Variants in RAB21 observed in about 807,000 individuals in gnomAD.
RAB21 encodes RAB21, member RAS oncogene family, also known as ras-related protein Rab-21.
In RAB21, 13 loss-of-function variants were observed where a neutral mutation model predicts 33.1. The observed-to-expected ratio is 0.39, with a 90% CI of 0.26 to 0.62. The LOEUF is 0.62. Among genes scored for constraint, RAB21 ranks in the 20% least tolerant of loss-of-function variants. RAB21 has a pLI of 0.48. For missense variants in RAB21, 234 were observed against 279.1 expected (o/e 0.84, Z 1.15); for synonymous variants, 91 against 103.7 (o/e 0.88, Z 0.74).
In RAB21 at chr12:71,799,846, G is replaced by A. The variant is rs927725946; in HGVS notation, c.*14173G>A. ...CCAGCATTTTGGGAGGCCAAGATGG[G>A]CGGATCATATGAGGTCAGGAGTTCA... On this transcript the variant is annotated 3_prime_UTR_variant, in exon 7 of 7. Coordinates refer to ENST00000261263, the MANE Select transcript of RAB21 (RefSeq NM_014999.4). 2 of 152,200 alleles carry A rather than the reference G, an allele frequency of 1.3e-5. No individual in the cohort carries two copies. The highest frequency in any genetic ancestry group is 4.8e-5 in the African/African-American group (2 of 41,420). The allele number at this position is 152,200 out of a possible 1,614,324, so 9.4% of individuals were successfully genotyped here.
intron 1 of RAB21, among the ~76,000 whole-genome samples, chr12:71,767,855 T>C (rs375265519): frequency 2.8e-4 from 43 of 152,288 alleles, no homozygotes; most frequent in African/African-American, 1.0e-3. Flanking sequence ...AATATTCGGA[T>C]AGGATTCAGA....
intron 4 of RAB21, 124 bp from the exon 5 acceptor site, chr12:71,781,907 G>A (rs1883206624): frequency 1.5e-6 from 1 of 678,452 alleles, no homozygotes; most frequent in African/African-American, 1.8e-5. Context: ...GACATTAGAA[G>A]TCTGGTGGGG....
rs1883381879 is a variant in RAB21, at chr12:71,791,461, C to A, written c.*5788C>A. ...ATCTAGGAGTTAACTTTAGCAGATT[C>A]TTTTATCAGAATACGTTTTTTATTG... On this transcript the variant is annotated 3_prime_UTR_variant, in exon 7 of 7. Transcript: ENST00000261263. 6.6e-6 allele frequency: 1 copy of A among 152,076 alleles called. No individual in the cohort carries two copies. Among genetic ancestry groups the A allele is most frequent in the Non-Finnish European group, 1.5e-5 (1 of 68,010 alleles). 9.4% of individuals were successfully genotyped at this position (152,076 alleles called of 1,614,324 possible).
intron 1 of RAB21, among the ~76,000 whole-genome samples, chr12:71,762,646 G>A (rs534012820): frequency 2.6e-5 from 4 of 151,562 alleles, no homozygotes; most frequent in Admixed American, 6.6e-5. Context: ...GGAATGGCAC[G>A]ATCTCAGTTC....
At chr12:71,760,942 G>A (rs1206901617) in intron 1 of RAB21, among the ~76,000 whole-genome samples, 1 of 151,824 alleles carries the variant, frequency 6.6e-6, no homozygotes, top group Non-Finnish European at 1.5e-5. Context: ...GCAGTGGCTC[G>A]CACCTATAAT....
intron 3 of RAB21, among the ~76,000 whole-genome samples, chr12:71,771,967 C>T (rs1031086164): frequency 4.0e-5 from 6 of 149,174 alleles, no homozygotes; most frequent in Admixed American, 4.0e-4. Flanking sequence ...CAGAGTGAGA[C>T]TCCATCTCAA....
chr12:71,774,571 C>G (rs1003767690), intron 4 of RAB21, among the ~76,000 whole-genome samples: 2 of 151,840 alleles, frequency 1.3e-5, no homozygotes, highest in African/African-American at 2.4e-5. Flanking sequence ...CCAGCCTGGC[C>G]AACATAGTGA....
intron 4 of RAB21, among the ~76,000 whole-genome samples, chr12:71,778,987 A>G (rs746431856): frequency 6.6e-6 from 1 of 152,172 alleles, no homozygotes; most frequent in African/African-American, 2.4e-5. Flanking sequence ...AACAATATTG[A>G]CTTTCCATTT....
intron 1 of RAB21, among the ~76,000 whole-genome samples, chr12:71,767,570 T>C (rs1882981257): frequency 6.6e-6 from 1 of 151,956 alleles, no homozygotes; most frequent in Admixed American, 6.6e-5. Context: ...CAGAGCGGGG[T>C]GTAAGGTGAA....
chr12:71,773,275 T>C (rs551387613), intron 3 of RAB21, among the ~76,000 whole-genome samples: 1 of 152,362 alleles, frequency 6.6e-6, no homozygotes, highest in South Asian at 2.1e-4. Context: ...ATTGGTTCTC[T>C]ACCGGGGATG....
chr12:71,761,544 G>A (rs535003383), intron 1 of RAB21, among the ~76,000 whole-genome samples: 2 of 152,234 alleles, frequency 1.3e-5, no homozygotes, highest in African/African-American at 4.8e-5. Flanking sequence ...CAGGCATGAT[G>A]GTGGGTACCT....
intron 4 of RAB21, among the ~76,000 whole-genome samples, chr12:71,777,149 G>T (rs1883132936): frequency 6.6e-6 from 1 of 152,160 alleles, no homozygotes; most frequent in South Asian, 2.1e-4. Flanking sequence ...ATTGCACGGT[G>T]TAAGCAGTAC....
chr12:71,768,737 T>A (rs1882997283), intron 1 of RAB21, among the ~76,000 whole-genome samples: 1 of 152,156 alleles, frequency 6.6e-6, no homozygotes, highest in Non-Finnish European at 1.5e-5. Flanking sequence ...TTCTTTAGGA[T>A]GAATTTGGTA....
chr12:71,779,551 C>A (rs561410307), intron 4 of RAB21, among the ~76,000 whole-genome samples: 1 of 152,196 alleles, frequency 6.6e-6, no homozygotes, highest in Non-Finnish European at 1.5e-5. Context: ...AAGCTTCTTT[C>A]CACTGTGCCC....
At chr12:71,780,760 TTTTATTGGGTGC>T (rs1883185776) in intron 4 of RAB21, among the ~76,000 whole-genome samples, 1 of 152,206 alleles carries the variant, frequency 6.6e-6, no homozygotes, top group South Asian at 2.1e-4. Flanking sequence ...ACATTTTATC[TTTTATTGGGTGC>T]TTATTTCAAT....
Position 71,778,344 on chromosome 12 carries a change from C to A in RAB21, c.392-3687C>A, listed in dbSNP as rs1423273043. 2.6e-5 allele frequency among the ~76,000 whole-genome samples: 4 copies of A among 152,136 alleles called. No homozygotes were observed. In the East Asian group the frequency reaches 5.8e-4, roughly 22 times the overall value. ...ACAAATATTTATTATTAATCGTAGTCACCATTTACTGAGTGCCAGGCACTG... is the reference window on the plus strand; with the variant it reads ...ACAAATATTTATTATTAATCGTAGTAACCATTTACTGAGTGCCAGGCACTG... On this transcript the variant is annotated intron_variant, in intron 4 of 6. Coordinates refer to ENST00000261263, the MANE Select transcript of RAB21 (RefSeq NM_014999.4).
chr12:71,794,082 TGTG>T lies in RAB21; in HGVS notation c.*8416_*8418del, dbSNP rs2137667175. On this transcript the variant is annotated 3_prime_UTR_variant, in exon 7 of 7. Transcript: ENST00000261263. ...CAAAAATATACAAAAATTAGCCAGG[TGTG>T]GTGGTGTGTGCCTGTAGTCTCAGCT... The T allele has an allele frequency of 6.6e-6, 1 of 151,610 alleles. No homozygotes were observed. The highest frequency in any genetic ancestry group is 2.0e-4 in the East Asian group (1 of 5,114). The allele number at this position is 151,610 out of a possible 1,614,324, so 9.4% of individuals were successfully genotyped here.
rs912186203 is a variant in RAB21 at position 71,796,873 on chromosome 12, A to G, written c.*11200A>G. On this transcript the variant is annotated 3_prime_UTR_variant, in exon 7 of 7. Coordinates refer to ENST00000261263, the MANE Select transcript of RAB21 (RefSeq NM_014999.4). ...GCCTGTTTCGTTCGGAAAAAAAAGT[A>G]CATAACATTTTAAAGATTTGTGAGA... 38 of 152,346 alleles carry G rather than the reference A, an allele frequency of 2.5e-4. No homozygotes were observed. Among genetic ancestry groups the G allele is most frequent in the African/African-American group, 8.9e-4 (37 of 41,586 alleles). The allele number at this position is 152,346 out of a possible 1,614,324, so 9.4% of individuals were successfully genotyped here. A position where few individuals can be genotyped will look rare whatever the true frequency, so the allele number is the denominator to read the frequency against.
At chr12:71,776,697 C>T (rs977394160) in intron 4 of RAB21, among the ~76,000 whole-genome samples, 8 of 150,300 alleles carry the variant, frequency 5.3e-5, no homozygotes, top group Non-Finnish European at 1.2e-4. Flanking sequence ...AATAATAAAA[C>T]TCCAGTCTCC....
Sources: allele counts gnomAD v4.1 joint callset (sites outside exome capture counted in the v4.1 genomes callset), GRCh38; gene constraint gnomAD v4.1.1; transcripts MANE v1.5; gene names NCBI Gene and HGNC (gene_info 2026-07-23, HGNC 2026-07-21).